KPNA4: variants seen among roughly 807,000 people sequenced by gnomAD.
KPNA4 encodes the protein importin subunit alpha-3.
A neutral mutation model predicts 71.3 loss-of-function variants in KPNA4; 13 were observed. The ratio of observed to expected loss-of-function variants is 0.18; its 90% CI spans 0.12 to 0.29. The LOEUF (loss-of-function observed/expected upper bound fraction) is 0.29, where lower values mean the gene tolerates loss of function less well. KPNA4 is among the 10% of genes least tolerant of loss of function. KPNA4 has a pLI of 1.00. For missense variants in KPNA4, 334 were observed against 603.2 expected (o/e 0.55, Z 4.67); for synonymous variants, 189 against 195.2 (o/e 0.97, Z 0.26).
intron 10 of KPNA4, 128 bp from the exon 11 acceptor site, chr3:160,522,038 T>C (rs576184814): frequency 4.3e-5 from 32 of 749,614 alleles, no homozygotes; most frequent in African/African-American, 7.1e-5. Flanking sequence ...GTTTAATTCA[T>C]TGGAATCTGA....
chr3:160,535,923 A>C, intron 2 of KPNA4, 26 bp from the exon 3 acceptor site: 3 of 1,092,386 alleles, frequency 2.7e-6, no homozygotes, highest in Non-Finnish European at 3.6e-6. Context: ...AAAAAAAAAA[A>C]AACCAAACAG....
At chr3:160,561,612 T>C (rs1453143923) in intron 1 of KPNA4, among the ~76,000 whole-genome samples, 1 of 152,070 alleles carries the variant, frequency 6.6e-6, no homozygotes, top group Non-Finnish European at 1.5e-5. Flanking sequence ...AAATATCAGA[T>C]TGAAATCTAT....
At chr3:160,530,416 C>A (rs930140822) in intron 7 of KPNA4, among the ~76,000 whole-genome samples, 1 of 152,024 alleles carries the variant, frequency 6.6e-6, no homozygotes, top group African/African-American at 2.4e-5. Context: ...GAGGCCGAGG[C>A]TACAGTGAGC....
intron 11 of KPNA4, 65 bp downstream of exon 11, chr3:160,521,714 T>G: frequency 6.9e-7 from 1 of 1,439,108 alleles, no homozygotes; most frequent in South Asian, 1.2e-5. Flanking sequence ...TGTCCATCTT[T>G]GAATGCCATG....
intron 1 of KPNA4, among the ~76,000 whole-genome samples, chr3:160,540,279 G>T (rs1055761359): frequency 6.6e-6 from 1 of 152,066 alleles, no homozygotes; most frequent in East Asian, 1.9e-4. Flanking sequence ...GATTACAAGC[G>T]TGAGCCACCG....
At position 160,531,442 on chromosome 3, in the gene KPNA4, A is replaced by T. The variant is rs77052553; in HGVS notation, c.383+20T>A. The T allele has an allele frequency of 4.2e-3, 5,459 of 1,298,560 alleles. 25 individuals carry two copies. Among genetic ancestry groups the T allele is most frequent in the African/African-American group, 0.017 (1,121 of 65,974 alleles). The allele number at this position is 1,298,560 out of a possible 1,614,324, so 80.4% of individuals were successfully genotyped here. A position where few individuals can be genotyped will look rare whatever the true frequency, so the allele number is the denominator to read the frequency against. On this transcript the variant is annotated intron_variant, in intron 6 of 16. Coordinates refer to ENST00000334256, the MANE Select transcript of KPNA4 (RefSeq NM_002268.5). The stretch of plus-strand genomic sequence containing the variant: ...GGATACATTCTAAATTAAAAAAAAA[A>T]AAATAAATAATGTACTCACTTGTCA...
At chr3:160,509,461 A>G (rs762000410) in intron 14 of KPNA4, among the ~76,000 whole-genome samples, 39 of 152,224 alleles carry the variant, frequency 2.6e-4, no homozygotes, top group South Asian at 1.0e-3. Flanking sequence ...ATGGATTAAA[A>G]AATTCTTGTA....
intron 13 of KPNA4, among the ~76,000 whole-genome samples, chr3:160,511,689 C>T (rs1350041727): frequency 2.7e-5 from 4 of 149,144 alleles, no homozygotes; most frequent in African/African-American, 9.8e-5. Flanking sequence ...GTCATGTTGT[C>T]AGGGGCAATA....
chr3:160,523,539 A>G, intron 10 of KPNA4, among the ~76,000 whole-genome samples: 1 of 152,010 alleles, frequency 6.6e-6, no homozygotes, highest in East Asian at 1.9e-4. Context: ...TCTAATGTAA[A>G]AAGAAGACAT....
chr3:160,559,509 A>G (rs1180321884), intron 1 of KPNA4, among the ~76,000 whole-genome samples: 1 of 152,220 alleles, frequency 6.6e-6, no homozygotes, highest in Non-Finnish European at 1.5e-5. Context: ...AAGCATCAGT[A>G]AAAGATGGGT....
At chr3:160,505,316 T>C (rs937819399) in intron 15 of KPNA4, among the ~76,000 whole-genome samples, 1 of 152,194 alleles carries the variant, frequency 6.6e-6, no homozygotes, top group African/African-American at 2.4e-5. Flanking sequence ...CATCTGCCTA[T>C]TCATCAGAAT....
chr3:160,536,864 A>G, intron 1 of KPNA4, 24 bp from the exon 2 acceptor site: 6 of 1,393,960 alleles, frequency 4.3e-6, no homozygotes, highest in Non-Finnish European at 5.1e-6. Flanking sequence ...AAAGGAAAAT[A>G]TTTTTAAAAT....
rs958426660 is a variant in KPNA4, at chr3:160,496,223, G to C, written c.*5881C>G. The C allele has an allele frequency of 6.6e-6, 1 of 152,578 alleles. No individual in the cohort carries two copies. The highest frequency in any genetic ancestry group is 1.5e-5 in the Non-Finnish European group (1 of 68,366). The allele number at this position is 152,578 out of a possible 1,614,324, so 9.5% of individuals were successfully genotyped here. A position where few individuals can be genotyped will look rare whatever the true frequency, so the allele number is the denominator to read the frequency against. On this transcript the variant is annotated 3_prime_UTR_variant, in exon 17 of 17. Transcript: ENST00000334256. Reference sequence around the variant, plus strand: ...GAATCGCTTGAACCTAGGAGGTGGAGGTTGCAGTGAGCCAAGATGGCACCA... The same window carrying C: ...GAATCGCTTGAACCTAGGAGGTGGACGTTGCAGTGAGCCAAGATGGCACCA...
intron 1 of KPNA4, among the ~76,000 whole-genome samples, chr3:160,538,466 T>C (rs985373413): frequency 6.6e-6 from 1 of 152,078 alleles, no homozygotes; most frequent in Non-Finnish European, 1.5e-5. Flanking sequence ...TTAGTGAAAA[T>C]AAAGATGTAA....
intron 12 of KPNA4, chr3:160,514,790 A>G: frequency 2.6e-6 from 1 of 380,292 alleles, no homozygotes; most frequent in South Asian, 2.1e-5. Context: ...TACCCTTTAC[A>G]TCACAGTTGG....
intron 1 of KPNA4, among the ~76,000 whole-genome samples, chr3:160,557,004 T>C (rs1722149666): frequency 6.6e-6 from 1 of 152,152 alleles, no homozygotes; most frequent in South Asian, 2.1e-4. Context: ...TTTGTAGAGA[T>C]GAGGTCTCAC....
At chr3:160,561,402 G>T (rs2108563157) in intron 1 of KPNA4, among the ~76,000 whole-genome samples, 1 of 151,958 alleles carries the variant, frequency 6.6e-6, no homozygotes, top group South Asian at 2.1e-4. Context: ...CTTTTCTATG[G>T]TTACTATTCT....
At chr3:160,506,495 T>C (rs1221484046) in intron 15 of KPNA4, among the ~76,000 whole-genome samples, 1 of 152,074 alleles carries the variant, frequency 6.6e-6, no homozygotes, top group African/African-American at 2.4e-5. Flanking sequence ...AACTGGTCTC[T>C]TCCTGCCTCC....
intron 1 of KPNA4, among the ~76,000 whole-genome samples, chr3:160,547,053 A>G (rs1721925562): frequency 6.6e-6 from 1 of 152,190 alleles, no homozygotes; most frequent in Admixed American, 6.5e-5. Flanking sequence ...TCAACTAACT[A>G]GTCAGTGGAG....
Sources: allele counts gnomAD v4.1 joint callset (sites outside exome capture counted in the v4.1 genomes callset), GRCh38; gene constraint gnomAD v4.1.1; transcripts MANE v1.5; gene names NCBI Gene and HGNC (gene_info 2026-07-23, HGNC 2026-07-21).